Variants in SPEF2 observed in about 807,000 individuals in gnomAD.
SPEF2 encodes the protein sperm flagella and cilia-associated protein 2.
SPEF2 carries 187 observed loss-of-function variants against 224.6 expected under a neutral mutation model. The observed-to-expected ratio is 0.83, with a 90% confidence interval of 0.74 to 0.94. The LOEUF (loss-of-function observed/expected upper bound fraction) is 0.94, where lower values mean the gene tolerates loss of function less well. Ranked by LOEUF, SPEF2 falls within the 40% of genes least tolerant of loss-of-function variation. SPEF2 has a pLI of 0.00. For synonymous variants in SPEF2, 715 were observed against 707.3 expected (o/e 1.01, Z -0.17); for missense variants, 2,170 against 2,135.6 (o/e 1.02, Z -0.32).
chr5:35,712,990 C>A, intron 20 of SPEF2, 104 bp downstream of exon 20: 1 of 1,023,130 alleles, frequency 9.8e-7, no homozygotes, highest in Non-Finnish European at 1.4e-6. Context: ...GACCACTTCT[C>A]TCAGGCATTT....
chr5:35,692,934 G>A (rs2149537423), intron 12 of SPEF2, among the ~76,000 whole-genome samples: 1 of 152,274 alleles, frequency 6.6e-6, no homozygotes, highest in East Asian at 1.9e-4. Flanking sequence ...AGGATATTAT[G>A]TGGGTACTTG....
At position 35,789,402 on chromosome 5, in the gene SPEF2, T is replaced by G. The variant is rs1236578117; in HGVS notation, c.4448-2938T>G. The G allele has an allele frequency of 5.7e-6, 4 of 701,350 alleles. No individual in the cohort carries two copies. In the Admixed American group the frequency reaches 6.0e-5, roughly 11 times the overall value. The allele number at this position is 701,350 out of a possible 1,614,324, so 43.4% of individuals were successfully genotyped here. ...TGAGAGGTTGGGATGATCTGAGGTC[T>G]GTCAAACTAGACAGTTTGACTTGCG... On this transcript the variant is annotated intron_variant, in intron 30 of 36. Coordinates refer to ENST00000356031, the MANE Select transcript of SPEF2 (RefSeq NM_024867.4).
At chr5:35,739,227 CT>C (rs1747163682) in intron 21 of SPEF2, among the ~76,000 whole-genome samples, 1 of 152,104 alleles carries the variant, frequency 6.6e-6, no homozygotes, top group Non-Finnish European at 1.5e-5. Flanking sequence ...GTTTATGGGA[CT>C]GCCATTCTAG....
At chr5:35,787,933 T>C (rs1755397237) in intron 30 of SPEF2, 1 of 625,336 alleles carries the variant, frequency 1.6e-6, no homozygotes, top group Non-Finnish European at 2.9e-6. Context: ...AGCTTGACCA[T>C]TATCTTCCAA....
intron 2 of SPEF2, among the ~76,000 whole-genome samples, chr5:35,633,530 A>C (rs1745417637): frequency 6.6e-6 from 1 of 151,962 alleles, no homozygotes. Context: ...TTTGAATCTA[A>C]AGTGTATTTT....
chr5:35,677,373 T>C (rs1462486459), intron 10 of SPEF2, among the ~76,000 whole-genome samples: 1 of 152,188 alleles, frequency 6.6e-6, no homozygotes, highest in Non-Finnish European at 1.5e-5. Context: ...TGACATTTAC[T>C]GTTTTGATAA....
chr5:35,810,963 C>T lies in SPEF2; in HGVS notation c.5380-3501C>T, dbSNP rs1758495056. On this transcript the variant is annotated intron_variant, in intron 36 of 36. Transcript: ENST00000356031. ...CTAATTAGAGGCCAGTAAACTACCA[C>T]CCAGGGGACTCATTTGTATGATGGT... 3.3e-5 allele frequency among the ~76,000 whole-genome samples: 5 copies of T among 152,096 alleles called. No individual in the cohort carries two copies. The South Asian group carries it at 1.0e-3, about 32-fold the overall frequency.
chr5:35,746,485 A>T (rs1200231590), intron 23 of SPEF2, among the ~76,000 whole-genome samples: 1 of 152,192 alleles, frequency 6.6e-6, no homozygotes, highest in African/African-American at 2.4e-5. Context: ...ACAAACAAAA[A>T]TTCAGGAAAC....
intron 24 of SPEF2, among the ~76,000 whole-genome samples, chr5:35,758,385 C>T (rs1561316732): frequency 1.3e-5 from 2 of 152,218 alleles, no homozygotes; most frequent in Non-Finnish European, 2.9e-5. Context: ...CAGATATACA[C>T]CATATTGTCC....
intron 2 of SPEF2, among the ~76,000 whole-genome samples, chr5:35,639,045 G>A (rs1004689741): frequency 2.6e-5 from 4 of 152,098 alleles, no homozygotes; most frequent in Admixed American, 2.0e-4. Context: ...GCAGGCCTTC[G>A]TGAACACAAA....
intron 21 of SPEF2, 127 bp from the exon 22 acceptor site, chr5:35,739,792 C>T (rs1747278677): frequency 9.7e-6 from 10 of 1,028,826 alleles, no homozygotes; most frequent in South Asian, 1.7e-5. Flanking sequence ...CAAGAAGTCT[C>T]ACAGGGAATG....
rs190568239 is a variant in SPEF2 at position 35,638,820 on chromosome 5, G to C, written c.162-2611G>C. 3.3e-5 allele frequency among the ~76,000 whole-genome samples: 5 copies of C among 152,048 alleles called. No homozygotes were observed. The South Asian group carries it at 1.0e-3, about 32-fold the overall frequency. ...TTCTTTGTGCTCCAAGCATTGTCCT[G>C]GTCCATAGTAGGCTCATAATATTGT... On this transcript the variant is annotated intron_variant, in intron 2 of 36. Coordinates refer to ENST00000356031, the MANE Select transcript of SPEF2 (RefSeq NM_024867.4).
At chr5:35,779,688 T>A (rs1754060508) in intron 30 of SPEF2, among the ~76,000 whole-genome samples, 1 of 152,216 alleles carries the variant, frequency 6.6e-6, no homozygotes, top group South Asian at 2.1e-4. Context: ...GTTTAGATTT[T>A]ATATTGAGAT....
intron 33 of SPEF2, 75 bp from the exon 34 acceptor site, chr5:35,799,893 G>A (rs1757196053): frequency 7.2e-6 from 11 of 1,521,544 alleles, no homozygotes; most frequent in African/African-American, 1.4e-5. Flanking sequence ...CTCCTGGGGA[G>A]ATTCTTCATT....
At chr5:35,704,933 G>T (rs894279024) in intron 17 of SPEF2, among the ~76,000 whole-genome samples, 1 of 152,084 alleles carries the variant, frequency 6.6e-6, no homozygotes, top group African/African-American at 2.4e-5. Flanking sequence ...TAATTATATG[G>T]AATCCTGATT....
intron 7 of SPEF2, among the ~76,000 whole-genome samples, chr5:35,658,636 T>C (rs1233659296): frequency 6.6e-6 from 1 of 152,158 alleles, no homozygotes; most frequent in Non-Finnish European, 1.5e-5. Context: ...AGGTTTGTTA[T>C]ATAGGTAAAC....
chr5:35,769,579 C>T (rs914578313), intron 26 of SPEF2, among the ~76,000 whole-genome samples: 6 of 152,074 alleles, frequency 3.9e-5, no homozygotes, highest in Admixed American at 6.6e-5. Context: ...CTGGGCATCC[C>T]CTTTGAGCAC....
chr5:35,654,273 AG>A (rs947220168), intron 6 of SPEF2, among the ~76,000 whole-genome samples: 2 of 151,600 alleles, frequency 1.3e-5, no homozygotes, highest in African/African-American at 4.8e-5. Context: ...AAAAAAAAAA[AG>A]GTGAAAGAAT....
rs148487757 is a variant in SPEF2, at chr5:35,791,340, T to C, written c.4448-1000T>C. The stretch of plus-strand genomic sequence containing the variant: ...TTACCTTCCAGATCTCAAAATTGTG[T>C]ATTTGATTCGAAGCACTGAGATTTT... On this transcript the variant is annotated intron_variant, in intron 30 of 36. Coordinates refer to ENST00000356031, the MANE Select transcript of SPEF2 (RefSeq NM_024867.4). 1.5e-3 allele frequency among the ~76,000 whole-genome samples: 235 copies of C among 152,332 alleles called. 1 individual carries two copies. The highest frequency in any genetic ancestry group is 5.3e-3 in the African/African-American group (219 of 41,588).
Sources: gnomAD v4.1 joint callset for allele counts (sites outside exome capture counted in the v4.1 genomes callset) on GRCh38, gnomAD v4.1.1 for gene constraint, MANE v1.5 for transcripts, NCBI Gene and HGNC (gene_info 2026-07-23, HGNC 2026-07-21) for gene names.